KCNIP4: variants seen among roughly 807,000 people sequenced by gnomAD.
KCNIP4 encodes potassium voltage-gated channel interacting protein 4, also known as Kv channel-interacting protein 4.
KCNIP4 carries 12 observed loss-of-function variants against 34.0 expected under a neutral mutation model. The ratio of observed to expected loss-of-function variants is 0.35; its 90% CI spans 0.23 to 0.57. The LOEUF is 0.57. KCNIP4 is among the 20% of genes least tolerant of loss of function. The pLI is 0.83. For synonymous variants in KCNIP4, 124 were observed against 102.2 expected, an observed-to-expected ratio of 1.21 and a Z score of -1.29; for missense variants, 238 against 311.7, an observed-to-expected ratio of 0.76 and a Z score of 1.78.
intron 1 of KCNIP4, among the ~76,000 whole-genome samples, chr4:21,617,870 A>T (rs1414558636): frequency 1.3e-5 from 2 of 152,146 alleles, no homozygotes; most frequent in Non-Finnish European, 2.9e-5. Flanking sequence ...AAATTAGCAA[A>T]ATCCTACAGG....
intron 3 of KCNIP4, among the ~76,000 whole-genome samples, chr4:20,848,146 T>C (rs1334905872): frequency 1.3e-5 from 2 of 152,166 alleles, no homozygotes; most frequent in Non-Finnish European, 2.9e-5. Flanking sequence ...TAATATTTTC[T>C]GAGCAAACTG....
intron 1 of KCNIP4, among the ~76,000 whole-genome samples, chr4:21,669,682 T>G (rs1447137089): frequency 6.6e-6 from 1 of 152,176 alleles, no homozygotes; most frequent in Non-Finnish European, 1.5e-5. Flanking sequence ...ACCCCTATCA[T>G]TAAAGAAGAA....
chr4:20,980,844 T>C (rs984990953), intron 1 of KCNIP4, among the ~76,000 whole-genome samples: 14 of 152,178 alleles, frequency 9.2e-5, no homozygotes, highest in African/African-American at 2.9e-4. Context: ...CTCTGGACTA[T>C]TGTGGGTCAT....
At chr4:21,158,728 A>T (rs1370933970) in intron 1 of KCNIP4, among the ~76,000 whole-genome samples, 1 of 152,164 alleles carries the variant, frequency 6.6e-6, no homozygotes, top group African/African-American at 2.4e-5. Context: ...TAATATCATG[A>T]TTATGAGAAG....
At chr4:20,951,134 G>A (rs980179262) in intron 1 of KCNIP4, among the ~76,000 whole-genome samples, 11 of 151,816 alleles carry the variant, frequency 7.2e-5, no homozygotes, top group Admixed American at 1.3e-4. Context: ...CTCTCCCTAC[G>A]CCCTGCCCCA....
At chr4:20,731,619 T>G in intron 8 of KCNIP4, 1 of 985,200 alleles carries the variant, frequency 1.0e-6, no homozygotes, top group Admixed American at 6.1e-5. Flanking sequence ...TGTGATGCCA[T>G]ACTTGGCTAT....
chr4:20,873,465 C>T (rs774648758), intron 2 of KCNIP4, among the ~76,000 whole-genome samples: 1 of 152,172 alleles, frequency 6.6e-6, no homozygotes, highest in Non-Finnish European at 1.5e-5. Flanking sequence ...TCTCTCTCAA[C>T]AATTTGTCTT....
intron 3 of KCNIP4, among the ~76,000 whole-genome samples, chr4:20,764,659 G>C (rs899797762): frequency 6.9e-6 from 1 of 144,916 alleles, no homozygotes; most frequent in African/African-American, 2.6e-5. Context: ...AGGAGCTACC[G>C]ACTAGAATCA....
intron 1 of KCNIP4, among the ~76,000 whole-genome samples, chr4:20,943,089 A>T (rs1267444865): frequency 6.6e-6 from 1 of 151,658 alleles, no homozygotes; most frequent in Non-Finnish European, 1.5e-5. Context: ...GAAATCCCAG[A>T]GTACAGCTGC....
intron 1 of KCNIP4, among the ~76,000 whole-genome samples, chr4:21,891,660 A>G (rs557645525): frequency 4.6e-5 from 7 of 152,114 alleles, no homozygotes; most frequent in Non-Finnish European, 7.4e-5. Flanking sequence ...TTCATTAATC[A>G]TTTTGTGTTT....
chr4:21,511,550 G>T (rs1045216365), intron 1 of KCNIP4, among the ~76,000 whole-genome samples: 2 of 152,142 alleles, frequency 1.3e-5, no homozygotes, highest in Non-Finnish European at 2.9e-5. Context: ...AAATGACATT[G>T]ATTAAATTAT....
At chr4:21,015,804 T>TATA (rs1739475181) in intron 1 of KCNIP4, among the ~76,000 whole-genome samples, 1 of 136,648 alleles carries the variant, frequency 7.3e-6, no homozygotes, top group South Asian at 2.2e-4. Context: ...TATAAATATA[T>TATA]ACTATATATA....
chr4:21,284,037 C>T (rs987892863), intron 1 of KCNIP4, among the ~76,000 whole-genome samples: 3 of 151,758 alleles, frequency 2.0e-5, no homozygotes, highest in African/African-American at 7.3e-5. Flanking sequence ...CACGGTGAAA[C>T]CCCATCTCTA....
intron 1 of KCNIP4, among the ~76,000 whole-genome samples, chr4:21,743,993 A>G (rs1292293484): frequency 6.6e-6 from 1 of 152,076 alleles, no homozygotes; most frequent in Non-Finnish European, 1.5e-5. Context: ...TCCACGGAAC[A>G]GAAAATCTAG....
At chr4:21,272,040 A>AT (rs1762180232) in intron 1 of KCNIP4, among the ~76,000 whole-genome samples, 1 of 152,180 alleles carries the variant, frequency 6.6e-6, no homozygotes. Flanking sequence ...GTCAAGTAGC[A>AT]TTTTTATTTG....
chr4:21,220,475 G>T (rs1452522232), intron 1 of KCNIP4, among the ~76,000 whole-genome samples: 7 of 152,050 alleles, frequency 4.6e-5, no homozygotes, highest in Non-Finnish European at 1.0e-4. Flanking sequence ...GAGTTAATGG[G>T]TGCAGCACAC....
chr4:21,095,547 A>T (rs574520308), intron 1 of KCNIP4, among the ~76,000 whole-genome samples: 204 of 152,348 alleles, frequency 1.3e-3, no homozygotes, highest in Middle Eastern at 6.8e-3. Flanking sequence ...TATTTAAAAC[A>T]TGAATGAAAT....
intron 1 of KCNIP4, among the ~76,000 whole-genome samples, chr4:20,963,333 C>CA (rs33923102): frequency 3.4e-4 from 50 of 147,928 alleles, no homozygotes; most frequent in Admixed American, 8.7e-4. Context: ...TCTCAAAAAA[C>CA]AAAAAAAAAA....
chr4:21,829,804 A>G (rs1722873831), intron 1 of KCNIP4, among the ~76,000 whole-genome samples: 1 of 152,220 alleles, frequency 6.6e-6, no homozygotes, highest in East Asian at 1.9e-4. Context: ...ATTGTTTTAA[A>G]TGACAGTAGT....
Sources: gnomAD v4.1 joint callset for allele counts (sites outside exome capture counted in the v4.1 genomes callset) on GRCh38, gnomAD v4.1.1 for gene constraint, MANE v1.5 for transcripts, NCBI Gene and HGNC (gene_info 2026-07-23, HGNC 2026-07-21) for gene names.